C4orf51: variants seen among roughly 807,000 people sequenced by gnomAD.
C4orf51 encodes the protein chromosome 4 open reading frame 51.
In C4orf51, 25 loss-of-function variants were observed where a neutral mutation model predicts 25.2. That is an observed-to-expected ratio of 0.99 (90% CI 0.72 to 1.39). The LOEUF (loss-of-function observed/expected upper bound fraction) is 1.39. C4orf51 is among the 40% of genes most tolerant of loss of function. The pLI, the probability that C4orf51 is intolerant of heterozygous loss-of-function variation, is 0.00. For synonymous variants in C4orf51, 100 were observed against 84.5 expected, an observed-to-expected ratio of 1.18 and a Z score of -1.01; for missense variants, 252 against 239.6, an observed-to-expected ratio of 1.05 and a Z score of -0.34.
In C4orf51 at chr4:145,694,746, G is replaced by T. The variant is rs930956217; in HGVS notation, c.234-1813G>T. The stretch of plus-strand genomic sequence containing the variant: ...TGGGAAGTGAGGAGCCCCTCTGCCC[G>T]GCCAAGTTTTTAGTTTTTTCAGAAA... On this transcript the variant is annotated intron_variant, in intron 1 of 5. Transcript: ENST00000438731. Among the ~76,000 whole-genome samples, 7 of 151,552 alleles carry T rather than the reference G, an allele frequency of 4.6e-5. 1 individual carries two copies. In the South Asian group the frequency reaches 1.0e-3, roughly 23 times the overall value.
chr4:145,720,802 G>C (rs1416512317), intron 2 of C4orf51, among the ~76,000 whole-genome samples: 1 of 152,146 alleles, frequency 6.6e-6, no homozygotes, highest in Admixed American at 6.5e-5. Flanking sequence ...GGGGTCAGGG[G>C]TCAGACAGGC....
At chr4:145,776,084 A>G in the C4orf51 span, 1 of 1,075,938 alleles carries the variant, frequency 9.3e-7, no homozygotes, top group Non-Finnish European at 1.4e-6. Context: ...GATGGAGACA[A>G]TGGTAATGCC....
intron 5 of C4orf51, 144 bp downstream of exon 5, chr4:145,730,109 G>A: frequency 1.1e-5 from 7 of 665,056 alleles, no homozygotes; most frequent in Admixed American, 1.0e-4. Context: ...GTTACAATCA[G>A]GCAAAAAGCG....
At chr4:145,782,992 T>C in the C4orf51 span, among the ~76,000 whole-genome samples, 19 of 152,214 alleles carry the variant, frequency 1.2e-4, no homozygotes, top group African/African-American at 4.6e-4. Flanking sequence ...TTTCCCCTGC[T>C]CTGTCCCAGG....
intron 1 of C4orf51, chr4:145,759,697 T>C (rs940514015): frequency 3.3e-5 from 5 of 152,190 alleles, no homozygotes; most frequent in Non-Finnish European, 7.3e-5. Context: ...CTTTTTTTTT[T>C]TCAGATGAGA....
the C4orf51 span, among the ~76,000 whole-genome samples, chr4:145,778,705 C>A: frequency 1.4e-3 from 209 of 152,174 alleles, 1 homozygote; most frequent in African/African-American, 4.8e-3. Context: ...TTATTTTGAA[C>A]TTTTCTTTAT....
intron 2 of C4orf51, among the ~76,000 whole-genome samples, chr4:145,704,418 A>C (rs1730665411): frequency 6.6e-6 from 1 of 152,226 alleles, no homozygotes; most frequent in Non-Finnish European, 1.5e-5. Context: ...GCCAAGTAGC[A>C]GCCATTTAAA....
At chr4:145,694,876 A>T (rs902113309) in intron 1 of C4orf51, among the ~76,000 whole-genome samples, 5 of 152,182 alleles carry the variant, frequency 3.3e-5, no homozygotes, top group African/African-American at 1.2e-4. Flanking sequence ...AATAATTATG[A>T]ACTTAATGTT....
At chr4:145,752,863 G>A (rs946254964) in intron 1 of C4orf51, among the ~76,000 whole-genome samples, 22 of 152,122 alleles carry the variant, frequency 1.4e-4, no homozygotes, top group African/African-American at 5.3e-4. Flanking sequence ...TCTAAATGCT[G>A]CCAGCATGAG....
Position 145,764,781 on chromosome 4 carries a change from A to C in C4orf51, n.167-6207A>C, listed in dbSNP as rs532715485. On this transcript the variant is annotated intron_variant and non_coding_transcript_variant, in intron 1 of 1. Coordinates refer to the C4orf51 transcript ENST00000510096. ...GAATCCCGGGGTATTTGCAAAATGG[A>C]TTCTCCTACTGACATCTGTTGACAC... 1.9e-4 allele frequency: 117 copies of C among 627,702 alleles called. No individual in the cohort carries two copies. The African/African-American group carries it at 2.1e-3, about 11-fold the overall frequency. The allele number at this position is 627,702 out of a possible 1,614,324, so 38.9% of individuals were successfully genotyped here.
intron 2 of C4orf51, among the ~76,000 whole-genome samples, chr4:145,698,919 G>A (rs1161560128): frequency 6.6e-6 from 1 of 152,134 alleles, no homozygotes; most frequent in Non-Finnish European, 1.5e-5. Context: ...CACAAAAGAA[G>A]TGAATATGCC....
intron 2 of C4orf51, among the ~76,000 whole-genome samples, chr4:145,716,197 G>A (rs562988402): frequency 5.6e-4 from 85 of 152,118 alleles, no homozygotes; most frequent in African/African-American, 2.0e-3. Context: ...TTTATCCAAA[G>A]GCAAAGTTGG....
chr4:145,737,168 T>C (rs1040446726), downstream of C4orf51, among the ~76,000 whole-genome samples: 1 of 152,156 alleles, frequency 6.6e-6, no homozygotes, highest in African/African-American at 2.4e-5. Context: ...GTTGTCATCA[T>C]AATGATTGTA....
At chr4:145,774,133 T>C (rs535667292), downstream of C4orf51, among the ~76,000 whole-genome samples, 7 of 152,254 alleles carry the variant, frequency 4.6e-5, no homozygotes, top group East Asian at 7.7e-4. Flanking sequence ...GTGATAATAA[T>C]AGTATTCACT....
chr4:145,732,401 A>C, intron 5 of C4orf51, 52 bp from the exon 6 acceptor site: 1 of 1,154,022 alleles, frequency 8.7e-7, no homozygotes, highest in Non-Finnish European at 1.3e-6. Context: ...TTCTGTGGAA[A>C]AGTGACCTTT....
rs1452359676 is a variant in C4orf51, at chr4:145,761,643, G to A, written n.167-9345G>A. 16 of 1,155,966 alleles carry A rather than the reference G, an allele frequency of 1.4e-5. No individual in the cohort carries two copies. In the Admixed American group the frequency reaches 1.6e-4, roughly 11 times the overall value. 71.6% of individuals were successfully genotyped at this position (1,155,966 alleles called of 1,614,324 possible). The stretch of plus-strand genomic sequence containing the variant: ...AAGGGAGGTTCAGCCGGGAAGGTTC[G>A]GAGGCAGCCGCGCTTCTCGCCGCCT... On this transcript the variant is annotated intron_variant and non_coding_transcript_variant, in intron 1 of 1. Coordinates refer to the C4orf51 transcript ENST00000510096. This position sits in a 1 kb window ranked among gnomAD's most constrained non-coding sequence, Gnocchi z 6.8.
chr4:145,757,014 T>C (rs1733996332), downstream of C4orf51, among the ~76,000 whole-genome samples: 1 of 152,224 alleles, frequency 6.6e-6, no homozygotes, highest in East Asian at 1.9e-4. Context: ...TTGTCAACCA[T>C]CATAGATTCA....
intron 1 of C4orf51, among the ~76,000 whole-genome samples, chr4:145,693,532 T>G (rs1314923226): frequency 6.6e-6 from 1 of 151,864 alleles, no homozygotes; most frequent in Admixed American, 6.5e-5. Context: ...TGGCCCGTTC[T>G]CAATGAGCTG....
intron 1 of C4orf51, chr4:145,759,789 A>C (rs774520459): frequency 3.3e-5 from 5 of 152,008 alleles, no homozygotes; most frequent in Non-Finnish European, 7.4e-5. Flanking sequence ...CCCAGAATTT[A>C]TCCAAACCCC....
Sources: allele counts gnomAD v4.1 joint callset (sites outside exome capture counted in the v4.1 genomes callset), GRCh38; gene constraint gnomAD v4.1.1; non-coding constraint Gnocchi (gnomAD v3.1); transcripts MANE v1.5; gene names NCBI Gene and HGNC (gene_info 2026-07-23, HGNC 2026-07-21).